The following PKHD1 variants were observed in gnomAD, a reference collection of about 807,000 sequenced individuals.
The protein encoded by PKHD1 is PKHD1 ciliary IPT domain containing fibrocystin/polyductin.
In PKHD1, 291 loss-of-function variants were observed where a neutral mutation model predicts 412.0. The ratio of observed to expected loss-of-function variants is 0.71; its 90% CI spans 0.64 to 0.78. The LOEUF (loss-of-function observed/expected upper bound fraction) is 0.78. PKHD1 is among the 30% of genes least tolerant of loss of function. PKHD1 has a pLI of 0.00. For missense variants in PKHD1, 4,825 were observed against 4,950.7 expected, an observed-to-expected ratio of 0.97 and a Z score of 0.76; for synonymous variants, 1,777 against 1,821.5, an observed-to-expected ratio of 0.98 and a Z score of 0.62.
At chr6:51,791,870 A>T (rs1465364203) in intron 52 of PKHD1, among the ~76,000 whole-genome samples, 1 of 152,192 alleles carries the variant, frequency 6.6e-6, no homozygotes, top group Non-Finnish European at 1.5e-5. Context: ...TACTAAAAAC[A>T]ACTGTTTCGT....
At position 52,033,106 on chromosome 6, in the gene PKHD1, A is replaced by G. The variant is rs751889282; in HGVS notation, c.3288T>C (p.Leu1096=). The G allele has an allele frequency of 1.2e-5, 19 of 1,610,912 alleles. No individual in the cohort carries two copies. Among genetic ancestry groups the G allele is most frequent in the Non-Finnish European group, 1.6e-5 (19 of 1,177,100 alleles). Residue 1096 remains leucine (L), a synonymous_variant, in exon 29 of 67, where the codon CTT becomes CTC. Coordinates refer to ENST00000371117, the MANE Select transcript of PKHD1 (RefSeq NM_138694.4). ...AAGAGACATATGTAAATGCTCTGGGAAGAACTGCAGAATAGTCCCCTCTGA... is the reference window on the plus strand; with the variant it reads ...AAGAGACATATGTAAATGCTCTGGGGAGAACTGCAGAATAGTCCCCTCTGA... ...TVIRGDYSAV[L]PRAFTYVSSL...
At chr6:52,046,397 T>C (rs1805846731) in intron 23 of PKHD1, among the ~76,000 whole-genome samples, 1 of 152,208 alleles carries the variant, frequency 6.6e-6, no homozygotes, top group Non-Finnish European at 1.5e-5. Context: ...ACTTTTTATA[T>C]TACACTATCT....
chr6:51,968,195 C>T (rs535889526), intron 35 of PKHD1, among the ~76,000 whole-genome samples: 117 of 152,168 alleles, frequency 7.7e-4, no homozygotes, highest in African/African-American at 2.8e-3. Context: ...TTTGGGCTAC[C>T]ATCTTCATAC....
chr6:51,794,537 G>T (rs1794289331), intron 52 of PKHD1, among the ~76,000 whole-genome samples: 1 of 152,066 alleles, frequency 6.6e-6, no homozygotes, highest in South Asian at 2.1e-4. Flanking sequence ...TATCCCATTT[G>T]TCAATTTTTG....
Position 51,830,772 on chromosome 6 carries a change from T to A in PKHD1, c.8302+89A>T, listed in dbSNP as rs1571083. 0.4 allele frequency: 519,693 copies of A among 1,285,682 alleles called. 111,012 individuals are homozygous for A. Among genetic ancestry groups the A allele is most frequent in the African/African-American group, 0.59 (40,247 of 68,192 alleles). The allele number at this position is 1,285,682 out of a possible 1,614,324, so 79.6% of individuals were successfully genotyped here. A position where few individuals can be genotyped will look rare whatever the true frequency, so the allele number is the denominator to read the frequency against. ...AAGTGCCTACTTATTTCCAAACTCT[T>A]TACTGTGTTGTACAATATAAATGAA... is the stretch of plus-strand genomic sequence containing the variant. On this transcript the variant is annotated intron_variant, in intron 52 of 66. Transcript: ENST00000371117.
intron 35 of PKHD1, among the ~76,000 whole-genome samples, chr6:51,996,450 C>T (rs535029693): frequency 3.3e-5 from 5 of 152,290 alleles, no homozygotes; most frequent in Admixed American, 2.6e-4. Context: ...GAGTGATCAG[C>T]CATCCCCGTT....
chr6:51,909,380 C>A lies in PKHD1; in HGVS notation c.6585G>T (p.Glu2195Asp). ...ARVIVQSFPEEPSQVQLKGVQ... is the reference protein window; with the variant it reads ...ARVIVQSFPEDPSQVQLKGVQ... ...CTCCCTTCAACTGGACCTGGCTGGG[C>A]TCTTCTGGGAAGGACTGAACGATCA... Residue 2195 changes from glutamate to aspartate, a missense_variant, in exon 40 of 67, where the codon GAG becomes GAT. Glu to Asp is a conservative substitution (Grantham distance 45). Coordinates refer to ENST00000371117, the MANE Select transcript of PKHD1 (RefSeq NM_138694.4). The A allele has an allele frequency of 6.2e-7, 1 of 1,613,570 alleles. No individual in the cohort carries two copies. The highest frequency in any genetic ancestry group is 1.3e-5 in the African/African-American group (1 of 74,984).
intron 4 of PKHD1, among the ~76,000 whole-genome samples, chr6:52,081,131 TC>T (rs1811967470): frequency 1.3e-5 from 2 of 151,134 alleles, no homozygotes; most frequent in Admixed American, 6.5e-5. Context: ...GGATCATATT[TC>T]TTTTCTTTAA....
chr6:51,770,696 T>C (rs1385592884), intron 55 of PKHD1, among the ~76,000 whole-genome samples: 1 of 151,912 alleles, frequency 6.6e-6, no homozygotes, highest in African/African-American at 2.4e-5. Flanking sequence ...CACTGGTGAT[T>C]TGGAAAGTAT....
At chr6:51,798,842 A>G (rs1047948080) in intron 52 of PKHD1, among the ~76,000 whole-genome samples, 6 of 152,220 alleles carry the variant, frequency 3.9e-5, no homozygotes, top group Non-Finnish European at 2.9e-5. Context: ...ACAAAACAAT[A>G]AAATTGGTTG....
rs1022527756 is a variant in PKHD1 at position 52,025,372 on chromosome 6, T to A, written c.4438A>T (p.Ile1480Leu). 8.7e-6 allele frequency: 14 copies of A among 1,613,112 alleles called. No homozygotes were observed. Among genetic ancestry groups the A allele is most frequent in the Non-Finnish European group, 1.2e-5 (14 of 1,179,276 alleles). ...SECQGNCTLF[I>L]REEASPVMDA... ...ATGACAGGACTTGCCTCTTCCCTTA[T>A]GAAAAGAGTGCAATTCCCCTGACAC... The change falls in exon 32 of 67, where the codon ATA becomes TTA. Residue 1480 changes from isoleucine (I) to leucine (L), a missense_variant. Coordinates refer to ENST00000371117, the MANE Select transcript of PKHD1 (RefSeq NM_138694.4).
chr6:51,749,479 G>A (rs1451378473), intron 57 of PKHD1, among the ~76,000 whole-genome samples: 1 of 151,970 alleles, frequency 6.6e-6, no homozygotes, highest in Non-Finnish European at 1.5e-5. Flanking sequence ...CATACTTTTG[G>A]TAAAATTAAT....
rs1397739833 is a variant in PKHD1, at chr6:52,079,349, T to G, written c.390+551A>C. On this transcript the variant is annotated intron_variant, in intron 5 of 66. Transcript: ENST00000371117. ...AGCAAATGCCCTTTTGGTTCAGTGT[T>G]GGAAAGACTTAGCAGAAATATACCA... Among the ~76,000 whole-genome samples the G allele has an allele frequency of 2.0e-5, 3 of 152,284 alleles. No homozygotes were observed. In the East Asian group the frequency reaches 5.8e-4, roughly 29 times the overall value.
intron 35 of PKHD1, among the ~76,000 whole-genome samples, chr6:51,996,459 T>G (rs1414723119): frequency 6.6e-6 from 1 of 152,160 alleles, no homozygotes; most frequent in African/African-American, 2.4e-5. Flanking sequence ...GCCATCCCCG[T>G]TGGGAGCTGG....
chr6:51,639,364 A>G (rs1283308318), intron 63 of PKHD1, among the ~76,000 whole-genome samples: 1 of 152,120 alleles, frequency 6.6e-6, no homozygotes, highest in Non-Finnish European at 1.5e-5. Context: ...CTATATTATT[A>G]TTAAATGTAT....
intron 12 of PKHD1, 110 bp from the exon 13 acceptor site, chr6:52,065,160 T>TAGAGAGAGAGAGAGAGAG (rs1469516676): frequency 1.4e-5 from 1 of 72,812 alleles, no homozygotes; most frequent in Admixed American, 1.7e-4. Flanking sequence ...TATATATATA[T>TAGAGAGAGAGAGAGAGAG]ATATATATAG....
At chr6:51,653,654 T>A (rs929264662) in intron 61 of PKHD1, among the ~76,000 whole-genome samples, 2 of 152,100 alleles carry the variant, frequency 1.3e-5, no homozygotes, top group Non-Finnish European at 2.9e-5. Flanking sequence ...TAACTTGCAG[T>A]GGATCAGAAG....
At chr6:51,856,096 A>G in intron 48 of PKHD1, 26 bp from the exon 49 acceptor site, 3 of 1,413,438 alleles carry the variant, frequency 2.1e-6, no homozygotes, top group Non-Finnish European at 3.0e-6. Flanking sequence ...AAGGAAAAAA[A>G]ATGGGTTGAG....
At chr6:52,023,134 A>G (rs927443443) in intron 32 of PKHD1, among the ~76,000 whole-genome samples, 190 bp from the exon 33 acceptor site, 1 of 152,154 alleles carries the variant, frequency 6.6e-6, no homozygotes, top group Non-Finnish European at 1.5e-5. Flanking sequence ...GTCTGACTCC[A>G]ATCACATTCA....
Sources: gnomAD v4.1 joint callset for allele counts (sites outside exome capture counted in the v4.1 genomes callset) on GRCh38, gnomAD v4.1.1 for gene constraint, MANE v1.5 for transcripts, NCBI Gene and HGNC (gene_info 2026-07-23, HGNC 2026-07-21) for gene names.